The following IL19 variants were observed in gnomAD, a reference collection of about 807,000 sequenced individuals.
IL19 encodes the protein interleukin 19, also known as interleukin-19.
IL19 carries 15 observed loss-of-function variants against 19.5 expected under a neutral mutation model. The observed-to-expected ratio is 0.77, with a 90% confidence interval of 0.52 to 1.19. The LOEUF is 1.19. Ranked by LOEUF, IL19 falls within the 50% of genes most tolerant of loss-of-function variation. The pLI, the probability that IL19 is intolerant of heterozygous loss-of-function variation, is 0.00. For missense variants in IL19, 199 were observed against 213.1 expected, an observed-to-expected ratio of 0.93 and a Z score of 0.41; for synonymous variants, 78 against 78.3, an observed-to-expected ratio of 1.00 and a Z score of 0.02.
chr1:206,808,494 T>TGTGC (rs1283797269), intron 2 of IL19, among the ~76,000 whole-genome samples: 1 of 118,650 alleles, frequency 8.4e-6, no homozygotes, highest in Non-Finnish European at 1.8e-5. Context: ...GGGAATTGTG[T>TGTGC]GTGTGCGTGT....
Position 206,842,535 on chromosome 1 carries a change from C to A in IL19, c.447C>A (p.Val149=), listed in dbSNP as rs1230987228. Residue 149 remains valine (V), a synonymous_variant, in exon 7 of 7, where the codon GTC becomes GTA. Transcript: ENST00000659997. ...TTGATCTCTGATTTCAGCTGGAGGT[C>A]CACGCTGCTGCCATTAAATCCCTGG... The part of the protein sequence containing the change: ...VIHDNYDQLE[V]HAAAIKSLGE... 1 of 1,562,566 alleles carries A rather than the reference C, an allele frequency of 6.4e-7. No individual in the cohort carries two copies. The highest frequency in any genetic ancestry group is 8.7e-7 in the Non-Finnish European group (1 of 1,150,708).
At chr1:206,785,218 C>T (rs924802400) in intron 1 of IL19, among the ~76,000 whole-genome samples, 2 of 152,160 alleles carry the variant, frequency 1.3e-5, no homozygotes, top group Non-Finnish European at 2.9e-5. Context: ...AGGGTCCATG[C>T]AGGTAGACTT....
At chr1:206,785,076 T>C (rs754531475) in intron 1 of IL19, among the ~76,000 whole-genome samples, 6 of 152,046 alleles carry the variant, frequency 3.9e-5, no homozygotes, top group Non-Finnish European at 5.9e-5. Flanking sequence ...TTGTATCCCA[T>C]GGGAAAAGGC....
intron 1 of IL19, among the ~76,000 whole-genome samples, chr1:206,788,008 C>T (rs1206128429): frequency 1.3e-5 from 2 of 152,186 alleles, no homozygotes; most frequent in African/African-American, 4.8e-5. Context: ...CTAAAATCCC[C>T]CTCTGCCCAG....
intron 1 of IL19, among the ~76,000 whole-genome samples, chr1:206,775,492 A>G (rs1166185558): frequency 6.6e-6 from 1 of 152,228 alleles, no homozygotes; most frequent in African/African-American, 2.4e-5. Context: ...GGTTGGAGAG[A>G]ACCATGGGCA....
intron 2 of IL19, among the ~76,000 whole-genome samples, chr1:206,820,707 A>G (rs973125135): frequency 1.3e-5 from 2 of 152,222 alleles, no homozygotes; most frequent in Non-Finnish European, 2.9e-5. Flanking sequence ...TTACTGTGGC[A>G]TTGGCTGAGC....
At chr1:206,819,847 T>A (rs1187440121) in intron 2 of IL19, among the ~76,000 whole-genome samples, 1 of 152,220 alleles carries the variant, frequency 6.6e-6, no homozygotes, top group Non-Finnish European at 1.5e-5. Context: ...TATCTCTAAT[T>A]CTTGCAGGGA....
At chr1:206,803,425 A>G (rs1364915110) in intron 2 of IL19, among the ~76,000 whole-genome samples, 2 of 152,192 alleles carry the variant, frequency 1.3e-5, no homozygotes, top group Non-Finnish European at 2.9e-5. Flanking sequence ...GTCTCCCTCC[A>G]TGAACATGTG....
At chr1:206,772,963 C>A (rs776463142) in intron 1 of IL19, among the ~76,000 whole-genome samples, 1 of 152,142 alleles carries the variant, frequency 6.6e-6, no homozygotes, top group Non-Finnish European at 1.5e-5. Flanking sequence ...GGTCTCTGGG[C>A]CTTAGTTTCC....
intron 2 of IL19, among the ~76,000 whole-genome samples, chr1:206,801,292 G>A (rs1300443095): frequency 6.6e-6 from 1 of 152,180 alleles, no homozygotes; most frequent in East Asian, 1.9e-4. Context: ...GATTTCCATG[G>A]ACTGCTCCTG....
intron 2 of IL19, among the ~76,000 whole-genome samples, chr1:206,811,247 T>G (rs1396240452): frequency 6.6e-6 from 1 of 151,896 alleles, no homozygotes; most frequent in Non-Finnish European, 1.5e-5. Context: ...TCATCTGAAC[T>G]ATATAAAAAG....
intron 1 of IL19, among the ~76,000 whole-genome samples, chr1:206,798,500 C>T (rs914852380): frequency 2.0e-4 from 31 of 152,166 alleles, no homozygotes; most frequent in African/African-American, 5.8e-4. Flanking sequence ...TTCAGGATCT[C>T]TTACTTTCAT....
chr1:206,798,896 T>C lies in IL19; in HGVS notation c.-113T>C. On this transcript the variant is annotated 5_prime_UTR_variant, in exon 2 of 7. The change abolishes an upstream ATG in the 5' untranslated region. Transcript: ENST00000659997. The stretch of plus-strand genomic sequence containing the variant: ...GCACACACTGACAGGAGTCCAAGAA[T>C]GTGCACTGAGGGAGCGTTTCCGCAC... 1 of 1,610,446 alleles carries C rather than the reference T, an allele frequency of 6.2e-7. No individual in the cohort carries two copies. The highest frequency in any genetic ancestry group is 1.1e-5 in the South Asian group (1 of 90,814).
At chr1:206,805,826 T>G (rs1194782691) in intron 2 of IL19, among the ~76,000 whole-genome samples, 5 of 152,246 alleles carry the variant, frequency 3.3e-5, no homozygotes, top group Non-Finnish European at 5.9e-5. Context: ...CTGAATGCGC[T>G]TACTGTATTC....
At chr1:206,825,299 T>C (rs1038515200) in intron 2 of IL19, among the ~76,000 whole-genome samples, 18 of 152,362 alleles carry the variant, frequency 1.2e-4, no homozygotes, top group African/African-American at 4.1e-4. Flanking sequence ...GGCAAGTTAC[T>C]CTGGCACTTA....
intron 2 of IL19, among the ~76,000 whole-genome samples, chr1:206,826,483 T>A (rs1676435906): frequency 6.6e-6 from 1 of 152,206 alleles, no homozygotes; most frequent in Non-Finnish European, 1.5e-5. Context: ...GATGCAGTCC[T>A]CGTCCCTGGC....
intron 2 of IL19, among the ~76,000 whole-genome samples, chr1:206,821,941 C>T (rs1558618075): frequency 6.6e-6 from 1 of 152,172 alleles, no homozygotes. Flanking sequence ...TCCCACAGGC[C>T]TTGTTCTTGC....
intron 1 of IL19, among the ~76,000 whole-genome samples, chr1:206,792,344 A>G (rs897438144): frequency 6.6e-6 from 1 of 152,134 alleles, no homozygotes; most frequent in Non-Finnish European, 1.5e-5. Flanking sequence ...GGCTGTATTT[A>G]TGAGCAGTGA....
In IL19 at chr1:206,836,761, C is replaced by T; in HGVS notation, c.99C>T (p.Asp33=). ...HGLRRCLIST[D]MHHIEESFQE... is the part of the protein sequence containing the mutation. The stretch of plus-strand genomic sequence containing the variant: ...TCAGGAGATGTCTGATTTCCACAGA[C>T]ATGCACCATATAGAAGAGAGTTTCC... The change falls in exon 3 of 7, where the codon GAC becomes GAT. Residue 33 remains aspartate (D), a synonymous_variant. Coordinates refer to ENST00000659997, the MANE Select transcript of IL19 (RefSeq NM_153758.5). 1 of 1,614,096 alleles carries T rather than the reference C, an allele frequency of 6.2e-7. No individual in the cohort carries two copies. Among genetic ancestry groups the T allele is most frequent in the Non-Finnish European group, 8.5e-7 (1 of 1,179,972 alleles).
Sources: allele counts gnomAD v4.1 joint callset (sites outside exome capture counted in the v4.1 genomes callset), GRCh38; gene constraint gnomAD v4.1.1; transcripts MANE v1.5; gene names NCBI Gene and HGNC (gene_info 2026-07-23, HGNC 2026-07-21).